RALGDS: variants seen among roughly 807,000 people sequenced by gnomAD.
The protein encoded by RALGDS is ral guanine nucleotide dissociation stimulator.
RALGDS carries 44 observed loss-of-function variants against 99.8 expected under a neutral mutation model. The ratio of observed to expected loss-of-function variants is 0.44; its 90% CI spans 0.35 to 0.57. The LOEUF (loss-of-function observed/expected upper bound fraction) is 0.57. Among genes scored for constraint, RALGDS ranks in the 20% least tolerant of loss-of-function variants. The probability of loss-of-function intolerance (pLI) is 0.01; values close to 1 mark genes in which losing one functional copy is unlikely to be tolerated. For missense variants in RALGDS, 1,022 were observed against 1,203.1 expected (o/e 0.85, Z 2.23); for synonymous variants, 529 against 505.0 (o/e 1.05, Z -0.64).
chr9:133,099,031 C>T (rs766318829), intron 17 of RALGDS: 9 of 466,392 alleles, frequency 1.9e-5, no homozygotes, highest in East Asian at 4.0e-5. Flanking sequence ...AGGGTCACCC[C>T]GTCCTGCCCA....
At chr9:133,114,787 CT>C (rs1238660885) in intron 1 of RALGDS, among the ~76,000 whole-genome samples, 1 of 152,252 alleles carries the variant, frequency 6.6e-6, no homozygotes, top group Non-Finnish European at 1.5e-5. Context: ...TGTCCCACCC[CT>C]AGCAGGCATG....
intron 2 of RALGDS, 75 bp from the exon 3 acceptor site, chr9:133,110,564 G>A (rs1275065110): frequency 1.5e-6 from 2 of 1,307,456 alleles, no homozygotes; most frequent in Non-Finnish European, 2.2e-6. Context: ...GGAACCCCGA[G>A]CCCTCAGCAG....
rs1025763162 is a variant in RALGDS, at chr9:133,108,390, T to G, written c.795A>C (p.Pro265=). The change falls in exon 6 of 18, where the codon CCA becomes CCC. Residue 265 remains proline, a synonymous_variant. Transcript: ENST00000372050. The part of the protein sequence containing the change: ...EAEPEALSPV[P]ALKPTPELEL... ...CGAGCTCTGGAGTTGGTTTTAGAGC[T>G]GGCACTGGTGACAGAGCTGCAAGAG... The G allele has an allele frequency of 9.8e-6, 15 of 1,536,730 alleles. No individual in the cohort carries two copies. The African/African-American group carries it at 1.6e-4, about 17-fold the overall frequency.
At chr9:133,104,603 G>A (rs1830925531) in intron 9 of RALGDS, 1 of 470,962 alleles carries the variant, frequency 2.1e-6, no homozygotes, top group African/African-American at 2.0e-5. Context: ...CTTGAGGTCA[G>A]GAGTTTAAGA....
chr9:133,098,388 A>G lies in RALGDS; in HGVS notation c.*199T>C. The G allele has an allele frequency of 1.6e-6, 1 of 614,642 alleles. No homozygotes were observed. 38.1% of individuals were successfully genotyped at this position (614,642 alleles called of 1,614,324 possible). Reference sequence around the variant, plus strand: ...GGTTCCAGAGAGCAGAAGGCACCTAAGGCAGCGAGTGGTCCACGGGAGGCC... The same window carrying G: ...GGTTCCAGAGAGCAGAAGGCACCTAGGGCAGCGAGTGGTCCACGGGAGGCC... On this transcript the variant is annotated 3_prime_UTR_variant, in exon 18 of 18. Transcript: ENST00000372050.
chr9:133,148,056 C>A (rs1306409013), intron 1 of RALGDS, among the ~76,000 whole-genome samples: 2 of 152,166 alleles, frequency 1.3e-5, no homozygotes, highest in Admixed American at 6.5e-5. Context: ...CCCTTCAGCC[C>A]CCCCGGCTTC....
In RALGDS at chr9:133,102,807, C is replaced by T; in HGVS notation, c.1885G>A (p.Ala629Thr). 6.2e-7 allele frequency: 1 copy of T among 1,613,280 alleles called. No homozygotes were observed. The highest frequency in any genetic ancestry group is 1.1e-5 in the South Asian group (1 of 90,998). The change falls in exon 13 of 18, where the codon GCC (alanine) becomes ACC (threonine). Residue 629 changes from alanine to threonine, a missense_variant. Physicochemically the swap from Ala to Thr is moderately conservative, Grantham distance 58. Coordinates refer to ENST00000372050, the MANE Select transcript of RALGDS (RefSeq NM_006266.4). ...PDEQFGAWFRAVERLSETESY... is the reference protein window; with the variant it reads ...PDEQFGAWFRTVERLSETESY... ...TCAGTCTCGCTGAGCCGCTCCACGG[C>T]CCGGAACCAGGCCCCAAATTGCTCA...
At chr9:133,145,042 C>A (rs1433996224) in intron 1 of RALGDS, among the ~76,000 whole-genome samples, 2 of 152,210 alleles carry the variant, frequency 1.3e-5, no homozygotes, top group African/African-American at 4.8e-5. Context: ...AAACTGGCAG[C>A]CACCAGAGGT....
At chr9:133,124,063 GACACACAC>G (rs747752024), upstream of RALGDS, among the ~76,000 whole-genome samples, 115 of 63,676 alleles carry the variant, frequency 1.8e-3, 14 homozygotes, top group African/African-American at 7.0e-3. Flanking sequence ...CAGAGACACA[GACACACAC>G]ACACACAGAC....
intron 1 of RALGDS, among the ~76,000 whole-genome samples, chr9:133,136,400 G>A (rs1832426673): frequency 6.6e-6 from 1 of 152,244 alleles, no homozygotes; most frequent in Non-Finnish European, 1.5e-5. Flanking sequence ...CACTTTGGGA[G>A]GCCAAGGCAA....
At chr9:133,119,991 G>A (rs1204333308) in intron 1 of RALGDS, among the ~76,000 whole-genome samples, 1 of 152,200 alleles carries the variant, frequency 6.6e-6, no homozygotes, top group African/African-American at 2.4e-5. Flanking sequence ...ATGCCGCACG[G>A]GGACTCAGGA....
rs1210038737 is a variant in RALGDS at position 133,108,308 on chromosome 9, G to C, written c.877C>G (p.Pro293Ala). The stretch of plus-strand genomic sequence containing the variant: ...GGAGCTGGTGTTGGAGCTGGCTCTG[G>C]CTCCGGGGCTGGAGCCGGCACTGGG... ...PSPVPAPAPEPEPAPTPAPGS... is the reference protein window; with the variant it reads ...PSPVPAPAPEAEPAPTPAPGS... The change falls in exon 6 of 18, where the codon CCA becomes GCA. Residue 293 changes from proline to alanine, a missense_variant. Coordinates refer to ENST00000372050, the MANE Select transcript of RALGDS (RefSeq NM_006266.4). 1 of 1,549,078 alleles carries C rather than the reference G, an allele frequency of 6.5e-7. No homozygotes were observed. Among genetic ancestry groups the C allele is most frequent in the Admixed American group, 2.0e-5 (1 of 51,198 alleles).
chr9:133,108,234 C>CTGCTGGAGCTCCGGAGCTGG lies in RALGDS; in HGVS notation c.931_950dup (p.Gln317HisfsTer16). 1 of 1,610,106 alleles carries CTGCTGGAGCTCCGGAGCTGG rather than the reference C, an allele frequency of 6.2e-7. No individual in the cohort carries two copies. The highest frequency in any genetic ancestry group is 1.1e-5 in the South Asian group (1 of 90,674). On this transcript the variant is annotated frameshift_variant, in exon 6 of 18. Transcript: ENST00000372050. LOFTEE classifies it high-confidence loss of function. ...CTAGTCCCACAGCTGGCTCTGGAGC[C>CTGCTGGAGCTCCGGAGCTGG]TGCTGGAGCTCCGGAGCTGGTGCTG...
intron 14 of RALGDS, 141 bp from the exon 15 acceptor site, chr9:133,102,280 C>T (rs1053086092): frequency 5.5e-5 from 60 of 1,100,396 alleles, no homozygotes; most frequent in Admixed American, 8.6e-5. Context: ...TCTGGGAGAG[C>T]ATTTAGTATC....
At chr9:133,127,800 C>T (rs971716036) in intron 1 of RALGDS, among the ~76,000 whole-genome samples, 11 of 152,196 alleles carry the variant, frequency 7.2e-5, no homozygotes, top group African/African-American at 2.4e-4. Flanking sequence ...AGCGAAGCAC[C>T]GAACCACTGA....
At chr9:133,132,790 G>C (rs1832362135), upstream of RALGDS, among the ~76,000 whole-genome samples, 1 of 152,056 alleles carries the variant, frequency 6.6e-6, no homozygotes, top group South Asian at 2.1e-4. Flanking sequence ...CAGGCATGCG[G>C]CACCACGCCC....
At position 133,119,932 on chromosome 9, in the gene RALGDS, G is replaced by A. The variant is rs185171728; in HGVS notation, c.183+1040C>T. 3.0e-3 allele frequency among the ~76,000 whole-genome samples: 454 copies of A among 152,284 alleles called. 2 individuals carry two copies. Among genetic ancestry groups the A allele is most frequent in the African/African-American group, 0.01 (424 of 41,546 alleles). On this transcript the variant is annotated intron_variant, in intron 1 of 17. Coordinates refer to ENST00000372050, the MANE Select transcript of RALGDS (RefSeq NM_006266.4). ...TAACAATCGCCAGCAATCACAACGC[G>A]CCACAGTCTAAAGCCATGAAGCGAC...
chr9:133,142,396 G>A (rs1437609622), intron 1 of RALGDS, among the ~76,000 whole-genome samples: 2 of 152,082 alleles, frequency 1.3e-5, no homozygotes, highest in African/African-American at 2.4e-5. Context: ...GTGAGCCATC[G>A]GAAAGCCCAT....
intron 8 of RALGDS, 108 bp downstream of exon 8, chr9:133,106,537 G>T: frequency 3.6e-6 from 3 of 824,420 alleles, no homozygotes; most frequent in Non-Finnish European, 4.0e-6. Context: ...GTCAGTGAAG[G>T]GTCCCTGCCC....
Sources: allele counts gnomAD v4.1 joint callset (sites outside exome capture counted in the v4.1 genomes callset), GRCh38; gene constraint gnomAD v4.1.1; transcripts MANE v1.5; gene names NCBI Gene and HGNC (gene_info 2026-07-23, HGNC 2026-07-21).